The following PSMD5 variants were observed in gnomAD, a reference collection of about 807,000 sequenced individuals.
The protein encoded by PSMD5 is 26S proteasome non-ATPase regulatory subunit 5.
PSMD5 carries 40 observed loss-of-function variants against 52.1 expected under a neutral mutation model. The ratio of observed to expected loss-of-function variants is 0.77; its 90% CI spans 0.60 to 1.00. The LOEUF is 1.00. Among genes scored for constraint, PSMD5 ranks in the 50% least tolerant of loss-of-function variants. The pLI is 0.00. For synonymous variants in PSMD5, 211 were observed against 226.6 expected (o/e 0.93, Z 0.62); for missense variants, 575 against 605.2 (o/e 0.95, Z 0.52).
At chr9:120,834,757 C>T (rs532067582) in intron 1 of PSMD5, among the ~76,000 whole-genome samples, 2 of 152,268 alleles carry the variant, frequency 1.3e-5, no homozygotes, top group East Asian at 1.9e-4. Flanking sequence ...AGTAAAATGA[C>T]GAGATCTGAC....
At position 120,820,931 on chromosome 9, in the gene PSMD5, A is replaced by G; in HGVS notation, c.1165T>C (p.Ser389Pro). The G allele has an allele frequency of 6.2e-7, 1 of 1,607,030 alleles. No individual in the cohort carries two copies. The change falls in exon 9 of 10, where the codon TCT (serine) becomes CCT (proline). Residue 389 changes from serine to proline, a missense_variant. By Grantham distance (74) the Ser-to-Pro change is moderately conservative (BLOSUM62 -1). Coordinates refer to ENST00000210313, the MANE Select transcript of PSMD5 (RefSeq NM_005047.4). ...TCCAGTGGATCCCGAGATAAAGAAGAAAACCAGGATTCTGTCATCCTCAGA... is the reference window on the plus strand; with the variant it reads ...TCCAGTGGATCCCGAGATAAAGAAGGAAACCAGGATTCTGTCATCCTCAGA... ...DLLRMTESWF[S>P]SLSRDPLELF...
At position 120,831,925 on chromosome 9, in the gene PSMD5, AT is replaced by A; in HGVS notation, c.338del (p.Asn113IlefsTer9). On this transcript the variant is annotated frameshift_variant, in exon 3 of 10. Coordinates refer to ENST00000210313, the MANE Select transcript of PSMD5 (RefSeq NM_005047.4). LOFTEE classifies it high-confidence loss of function. Reference protein sequence around the residue: ...TLSQIGRIVENSDAVTEILNN... With the variant: ...TLSQIGRIVEXSDAVTEILNN... ...TTAGAATCTCAGTAACAGCATCAGAATTTTCAACAATTCTTCCAATCTGAAA... is the reference window on the plus strand; with the variant it reads ...TTAGAATCTCAGTAACAGCATCAGAATTTCAACAATTCTTCCAATCTGAAA... 6.2e-7 allele frequency: 1 copy of A among 1,612,490 alleles called. No homozygotes were observed. The highest frequency in any genetic ancestry group is 1.1e-5 in the South Asian group (1 of 90,912).
chr9:120,824,364 G>T, intron 7 of PSMD5, 130 bp downstream of exon 7: 2 of 876,876 alleles, frequency 2.3e-6, no homozygotes, highest in Non-Finnish European at 3.8e-6. Context: ...TGAGTACAAG[G>T]TCATGGTTAA....
At position 120,816,912 on chromosome 9, in the gene PSMD5, A is replaced by C. The variant is rs2045046592; in HGVS notation, c.*994T>G. 1 of 152,220 alleles carries C rather than the reference A, an allele frequency of 6.6e-6. No individual in the cohort carries two copies. The highest frequency in any genetic ancestry group is 2.4e-5 in the African/African-American group (1 of 41,452). The allele number at this position is 152,220 out of a possible 1,614,324, so 9.4% of individuals were successfully genotyped here. On this transcript the variant is annotated 3_prime_UTR_variant, in exon 10 of 10. Coordinates refer to ENST00000210313, the MANE Select transcript of PSMD5 (RefSeq NM_005047.4). ...TTTATAGGTATGAAAAATCCAAAGC[A>C]AAACCCTCAGCAATCATGACCTACC...
At chr9:120,826,946 C>G in intron 5 of PSMD5, 39 bp from the exon 6 acceptor site, 3 of 1,580,780 alleles carry the variant, frequency 1.9e-6, no homozygotes, top group Non-Finnish European at 2.6e-6. Flanking sequence ...AGATTTTGCA[C>G]AGGATTTGCA....
intron 1 of PSMD5, among the ~76,000 whole-genome samples, chr9:120,840,539 A>C: frequency 6.6e-6 from 1 of 151,110 alleles, no homozygotes; most frequent in Admixed American, 6.6e-5. Flanking sequence ...TCCACCTCTC[A>C]GGTTCAAGTG....
intron 7 of PSMD5, among the ~76,000 whole-genome samples, chr9:120,822,406 G>A (rs1278956344): frequency 6.6e-6 from 1 of 152,150 alleles, no homozygotes; most frequent in East Asian, 1.9e-4. Flanking sequence ...ACCTTATCTG[G>A]AAAATGAAAA....
chr9:120,821,614 CT>C (rs1425360473), intron 7 of PSMD5, 150 bp from the exon 8 acceptor site: 5 of 470,828 alleles, frequency 1.1e-5, no homozygotes, highest in Non-Finnish European at 1.1e-5. Flanking sequence ...ATCTCTAGAA[CT>C]TTTTCATCAA....
chr9:120,828,172 A>AT (rs1460412870), intron 5 of PSMD5, among the ~76,000 whole-genome samples: 4 of 151,804 alleles, frequency 2.6e-5, no homozygotes, highest in South Asian at 4.2e-4. Context: ...AATTTTTTGT[A>AT]TTTTTTTAGT....
chr9:120,839,516 T>C (rs1048145565), intron 1 of PSMD5, among the ~76,000 whole-genome samples: 1 of 152,178 alleles, frequency 6.6e-6, no homozygotes, highest in Non-Finnish European at 1.5e-5. Context: ...AAGAGACATT[T>C]CATAGGCAGA....
At chr9:120,826,155 C>T (rs913927554) in intron 6 of PSMD5, among the ~76,000 whole-genome samples, 14 of 152,066 alleles carry the variant, frequency 9.2e-5, no homozygotes, top group African/African-American at 1.4e-4. Flanking sequence ...CCACCATGCC[C>T]GGCTAATTTT....
At chr9:120,836,701 C>G (rs2045200554) in intron 1 of PSMD5, among the ~76,000 whole-genome samples, 1 of 151,926 alleles carries the variant, frequency 6.6e-6, no homozygotes, top group African/African-American at 2.4e-5. Context: ...CTGGCCCCAT[C>G]TGTACTTCTT....
At chr9:120,838,757 G>A (rs1255364447) in intron 1 of PSMD5, among the ~76,000 whole-genome samples, 3 of 152,094 alleles carry the variant, frequency 2.0e-5, no homozygotes, top group South Asian at 4.1e-4. Context: ...GTCAACTTGC[G>A]GTATGACCTC....
rs2045042322 is a variant in PSMD5 at position 120,816,345 on chromosome 9, A to G, written c.*1561T>C. On this transcript the variant is annotated 3_prime_UTR_variant, in exon 10 of 10. Transcript: ENST00000210313. ...ACATATGTAATATACTGAACTGTACACTTAAAATAGTTATGACAAATTTTA... is the reference window on the plus strand; with the variant it reads ...ACATATGTAATATACTGAACTGTACGCTTAAAATAGTTATGACAAATTTTA... The G allele has an allele frequency of 6.6e-6, 1 of 152,250 alleles. No individual in the cohort carries two copies. The allele number at this position is 152,250 out of a possible 1,614,324, so 9.4% of individuals were successfully genotyped here.
intron 4 of PSMD5, among the ~76,000 whole-genome samples, chr9:120,830,323 G>T (rs1056314169): frequency 6.6e-6 from 1 of 152,066 alleles, no homozygotes; most frequent in Non-Finnish European, 1.5e-5. Context: ...ATACCCAAGG[G>T]GCCAAGAGTG....
In PSMD5 at chr9:120,824,870, TGA is replaced by T. The variant is rs1173806126; in HGVS notation, c.815-187_815-186del. 35 of 497,628 alleles carry T rather than the reference TGA, an allele frequency of 7.0e-5. No homozygotes were observed. In the East Asian group the frequency reaches 1.0e-3, roughly 15 times the overall value. The allele number at this position is 497,628 out of a possible 1,614,324, so 30.8% of individuals were successfully genotyped here. ...CTGAAGGACCTGTGATGTGTGATCC[TGA>T]GAGAGGGCGTCAATGGAGCTGGGAC... On this transcript the variant is annotated intron_variant, in intron 6 of 9. Transcript: ENST00000210313.
rs773597841 is a variant in PSMD5, at chr9:120,818,054, T to C, written c.1367A>G (p.Lys456Arg). ...VEHDKASKDAKYELVKALANS... is the reference protein window; with the variant it reads ...VEHDKASKDARYELVKALANS... ...GGCAAGTGCTTTCACTAGTTCATATTTGGCATCCTTTGAAGCTTTGTCATG... is the reference window on the plus strand; with the variant it reads ...GGCAAGTGCTTTCACTAGTTCATATCTGGCATCCTTTGAAGCTTTGTCATG... Residue 456 changes from lysine to arginine, a missense_variant, in exon 10 of 10, where the codon AAA (lysine) becomes AGA (arginine). Coordinates refer to ENST00000210313, the MANE Select transcript of PSMD5 (RefSeq NM_005047.4). 80 of 1,614,086 alleles carry C rather than the reference T, an allele frequency of 5.0e-5. No individual in the cohort carries two copies. The highest frequency in any genetic ancestry group is 3.5e-4 in the African/African-American group (26 of 74,924).
At chr9:120,839,800 T>A (rs893886851) in intron 1 of PSMD5, among the ~76,000 whole-genome samples, 3 of 19,344 alleles carry the variant, frequency 1.6e-4, no homozygotes, top group Non-Finnish European at 3.5e-4. Flanking sequence ...TTTTTAATCT[T>A]TTTTTTTTTT....
At chr9:120,824,797 G>T in intron 6 of PSMD5, 112 bp from the exon 7 acceptor site, 1 of 882,348 alleles carries the variant, frequency 1.1e-6, no homozygotes, top group Non-Finnish European at 1.7e-6. Context: ...AGCATAGAAA[G>T]GTTAGAGTAG....
Sources: allele counts gnomAD v4.1 joint callset (sites outside exome capture counted in the v4.1 genomes callset), GRCh38; gene constraint gnomAD v4.1.1; transcripts MANE v1.5; gene names NCBI Gene and HGNC (gene_info 2026-07-23, HGNC 2026-07-21).